ARHGAP28: variants seen among roughly 807,000 people sequenced by gnomAD.
The protein encoded by ARHGAP28 is Rho GTPase activating protein 28.
ARHGAP28 carries 56 observed loss-of-function variants against 90.7 expected under a neutral mutation model. That is an observed-to-expected ratio of 0.62 (90% CI 0.50 to 0.77). The LOEUF is 0.77. Ranked by LOEUF, ARHGAP28 falls within the 30% of genes least tolerant of loss-of-function variation. The pLI, the probability that ARHGAP28 is intolerant of heterozygous loss-of-function variation, is 0.00. For synonymous variants in ARHGAP28, 308 were observed against 323.3 expected (o/e 0.95, Z 0.51); for missense variants, 869 against 900.9 (o/e 0.96, Z 0.45).
chr18:6,840,679 C>T (rs970335354), intron 3 of ARHGAP28, among the ~76,000 whole-genome samples: 1 of 152,120 alleles, frequency 6.6e-6, no homozygotes. Flanking sequence ...TCTTTCCTCC[C>T]AGTCCTGCTG....
intron 1 of ARHGAP28, among the ~76,000 whole-genome samples, chr18:6,758,192 T>C (rs1167587395): frequency 6.6e-6 from 1 of 152,236 alleles, no homozygotes; most frequent in Non-Finnish European, 1.5e-5. Context: ...GAGAAATTCC[T>C]GTGGCAAACA....
chr18:6,758,516 G>T (rs1007861921), intron 1 of ARHGAP28, among the ~76,000 whole-genome samples: 11 of 152,268 alleles, frequency 7.2e-5, no homozygotes, highest in African/African-American at 2.4e-4. Context: ...CAGAGATGGG[G>T]TGTCTCCATG....
intron 5 of ARHGAP28, among the ~76,000 whole-genome samples, chr18:6,867,331 G>A (rs2057045178): frequency 6.6e-6 from 1 of 152,098 alleles, no homozygotes; most frequent in African/African-American, 2.4e-5. Context: ...AGGCTCTGGG[G>A]GAAAACATTT....
intron 16 of ARHGAP28, among the ~76,000 whole-genome samples, chr18:6,903,724 G>A (rs867079154): frequency 1.4e-4 from 21 of 150,726 alleles, no homozygotes; most frequent in South Asian, 1.3e-3. Flanking sequence ...CCAGCTACTC[G>A]GAGGCTGAGG....
intron 1 of ARHGAP28, among the ~76,000 whole-genome samples, chr18:6,796,833 C>G (rs1256585580): frequency 6.6e-6 from 1 of 152,090 alleles, no homozygotes; most frequent in Non-Finnish European, 1.5e-5. Flanking sequence ...CACACATACA[C>G]ACACTTCTGT....
At chr18:6,819,538 G>A (rs963032439) in intron 1 of ARHGAP28, among the ~76,000 whole-genome samples, 3 of 152,210 alleles carry the variant, frequency 2.0e-5, no homozygotes, top group Middle Eastern at 3.4e-3. Flanking sequence ...GGACTCTACC[G>A]GGATGAGGAG....
At chr18:6,730,718 G>C (rs1230947544) in intron 1 of ARHGAP28, among the ~76,000 whole-genome samples, 1 of 152,152 alleles carries the variant, frequency 6.6e-6, no homozygotes, top group Non-Finnish European at 1.5e-5. Context: ...GTAGACAAAA[G>C]TATTATGATG....
intron 1 of ARHGAP28, among the ~76,000 whole-genome samples, chr18:6,775,811 C>T (rs867379616): frequency 6.6e-6 from 1 of 152,166 alleles, no homozygotes; most frequent in Non-Finnish European, 1.5e-5. Context: ...TCACTTTGTA[C>T]GTGTTGCCTG....
intron 3 of ARHGAP28, among the ~76,000 whole-genome samples, chr18:6,841,191 C>G (rs1311054124): frequency 3.0e-5 from 2 of 65,940 alleles, no homozygotes; most frequent in African/African-American, 8.3e-5. Context: ...CTCTCTCTCT[C>G]TCTCTCTCTC....
At chr18:6,867,536 G>A (rs1478893773) in intron 5 of ARHGAP28, among the ~76,000 whole-genome samples, 1 of 152,094 alleles carries the variant, frequency 6.6e-6, no homozygotes, top group Non-Finnish European at 1.5e-5. Context: ...ACCAGGATAG[G>A]TACTCAACTT....
At chr18:6,808,430 A>G (rs1291957863) in intron 1 of ARHGAP28, among the ~76,000 whole-genome samples, 1 of 151,504 alleles carries the variant, frequency 6.6e-6, no homozygotes, top group Non-Finnish European at 1.5e-5. Context: ...TCTTCTCATT[A>G]TTTGTTCCTT....
At chr18:6,848,795 G>C (rs769336943) in intron 3 of ARHGAP28, among the ~76,000 whole-genome samples, 2 of 152,152 alleles carry the variant, frequency 1.3e-5, no homozygotes, top group African/African-American at 2.4e-5. Flanking sequence ...CAAAGTACCA[G>C]AAGGATCTCA....
intron 1 of ARHGAP28, among the ~76,000 whole-genome samples, chr18:6,818,324 G>C (rs938539030): frequency 3.9e-5 from 6 of 152,254 alleles, no homozygotes; most frequent in South Asian, 2.1e-4. Flanking sequence ...ATACCTGAGG[G>C]GGCTTTTGAA....
rs1391063124 is a variant in ARHGAP28 at position 6,913,945 on chromosome 18, A to G, written c.*1791A>G. The G allele has an allele frequency of 6.6e-6, 1 of 152,186 alleles. No individual in the cohort carries two copies. Among genetic ancestry groups the G allele is most frequent in the Non-Finnish European group, 1.5e-5 (1 of 68,028 alleles). 9.4% of individuals were successfully genotyped at this position (152,186 alleles called of 1,614,324 possible). A position where few individuals can be genotyped will look rare whatever the true frequency, so the allele number is the denominator to read the frequency against. On this transcript the variant is annotated 3_prime_UTR_variant, in exon 18 of 18. Coordinates refer to ENST00000383472, the MANE Select transcript of ARHGAP28 (RefSeq NM_001366230.1). ...TTACTTTATGTAATTGCCACATCCC[A>G]AGATGTAAAACGGCAGTAATTTATG...
chr18:6,825,683 G>A (rs911599092), intron 2 of ARHGAP28, among the ~76,000 whole-genome samples: 5 of 152,066 alleles, frequency 3.3e-5, no homozygotes, highest in African/African-American at 9.7e-5. Flanking sequence ...TTTAGTGCCC[G>A]CTTACAAGTG....
At chr18:6,797,496 C>G (rs1293694813) in intron 1 of ARHGAP28, among the ~76,000 whole-genome samples, 1 of 152,108 alleles carries the variant, frequency 6.6e-6, no homozygotes, top group Non-Finnish European at 1.5e-5. Context: ...ATATTTCTCC[C>G]CCACCTCCCT....
intron 3 of ARHGAP28, among the ~76,000 whole-genome samples, chr18:6,839,292 ATTT>A (rs368008575): frequency 7.5e-6 from 1 of 133,954 alleles, no homozygotes; most frequent in African/African-American, 2.8e-5. Context: ...AACCAGCATA[ATTT>A]TTTTTTTTTT....
intron 1 of ARHGAP28, among the ~76,000 whole-genome samples, chr18:6,735,561 T>C (rs1330801843): frequency 6.6e-6 from 1 of 151,908 alleles, no homozygotes; most frequent in Non-Finnish European, 1.5e-5. Flanking sequence ...TGCTGTTTTT[T>C]TTTTTTTTTT....
chr18:6,798,966 G>A (rs1239577842), intron 1 of ARHGAP28, among the ~76,000 whole-genome samples: 1 of 152,200 alleles, frequency 6.6e-6, no homozygotes, highest in African/African-American at 2.4e-5. Flanking sequence ...TGTCATTTCT[G>A]ATTCCAAGTA....
Sources: allele counts gnomAD v4.1 joint callset (sites outside exome capture counted in the v4.1 genomes callset), GRCh38; gene constraint gnomAD v4.1.1; transcripts MANE v1.5; gene names NCBI Gene and HGNC (gene_info 2026-07-23, HGNC 2026-07-21).